The following STK33 variants were observed in gnomAD, a reference collection of about 807,000 sequenced individuals.
STK33 encodes the protein serine/threonine-protein kinase 33.
A neutral mutation model predicts 58.0 loss-of-function variants in STK33; 52 were observed. That is an observed-to-expected ratio of 0.90 (90% confidence interval 0.72 to 1.13). The LOEUF is 1.13. STK33 is among the 50% of genes most tolerant of loss of function. The probability of loss-of-function intolerance (pLI) is 0.00; values close to 1 mark genes in which losing one functional copy is unlikely to be tolerated. For missense variants in STK33, 630 were observed against 604.2 expected (o/e 1.04, Z -0.45); for synonymous variants, 215 against 200.1 (o/e 1.07, Z -0.63).
chr11:8,337,290 G>T, the STK33 span, among the ~76,000 whole-genome samples: 3 of 152,206 alleles, frequency 2.0e-5, no homozygotes, highest in Admixed American at 2.0e-4. Flanking sequence ...ATTTCTGTCT[G>T]CAGACCTTTC....
chr11:8,521,926 G>A (rs188517439), intron 1 of STK33, among the ~76,000 whole-genome samples: 141 of 152,204 alleles, frequency 9.3e-4, no homozygotes, highest in African/African-American at 3.3e-3. Flanking sequence ...ACCACAATGA[G>A]ATACCATCTC....
chr11:8,518,505 A>G, intron 1 of STK33, among the ~76,000 whole-genome samples: 1 of 152,168 alleles, frequency 6.6e-6, no homozygotes, highest in Non-Finnish European at 1.5e-5. Context: ...TTAACCTTAA[A>G]TGTAAATGGG....
intron 1 of STK33, among the ~76,000 whole-genome samples, chr11:8,492,410 A>G (rs1442120296): frequency 3.3e-5 from 5 of 152,252 alleles, no homozygotes; most frequent in Non-Finnish European, 5.9e-5. Context: ...TCCTAATTAT[A>G]TATGTACCCA....
At chr11:8,569,531 G>GT (rs1957662156) in intron 1 of STK33, among the ~76,000 whole-genome samples, 1 of 152,162 alleles carries the variant, frequency 6.6e-6, no homozygotes, top group Non-Finnish European at 1.5e-5. Flanking sequence ...AACACAGAAT[G>GT]TTTTTATGAC....
At chr11:8,428,177 G>A (rs1462415811) in intron 14 of STK33, among the ~76,000 whole-genome samples, 1 of 152,220 alleles carries the variant, frequency 6.6e-6, no homozygotes, top group Non-Finnish European at 1.5e-5. Context: ...CTAGAGTTTG[G>A]AGGCCAAGAG....
chr11:8,364,275 A>G, the STK33 span, among the ~76,000 whole-genome samples: 1 of 152,184 alleles, frequency 6.6e-6, no homozygotes, highest in Non-Finnish European at 1.5e-5. Context: ...GTTGGAGTCG[A>G]ATTTTACTTC....
chr11:8,423,304 ACT>A (rs1942224260), intron 14 of STK33, among the ~76,000 whole-genome samples: 1 of 150,442 alleles, frequency 6.6e-6, no homozygotes, highest in South Asian at 2.1e-4. Flanking sequence ...ATTTGGTTTT[ACT>A]CTGTTAAAAT....
At chr11:8,397,579 C>T (rs1297049194) in intron 15 of STK33, among the ~76,000 whole-genome samples, 1 of 152,182 alleles carries the variant, frequency 6.6e-6, no homozygotes, top group Non-Finnish European at 1.5e-5. Flanking sequence ...AGGAATACAG[C>T]TTCTCACCAG....
chr11:8,557,617 C>G (rs1401108684), intron 1 of STK33, among the ~76,000 whole-genome samples: 1 of 151,898 alleles, frequency 6.6e-6, no homozygotes, highest in Non-Finnish European at 1.5e-5. Flanking sequence ...CATTATAAGT[C>G]AGATGTAAAG....
At chr11:8,385,983 C>A in the STK33 span, among the ~76,000 whole-genome samples, 1 of 148,998 alleles carries the variant, frequency 6.7e-6, no homozygotes, top group Non-Finnish European at 1.5e-5. Flanking sequence ...ACCATGTTAG[C>A]CAGGATGGTC....
intron 14 of STK33, among the ~76,000 whole-genome samples, chr11:8,422,411 T>C (rs1239129050): frequency 6.6e-6 from 1 of 152,144 alleles, no homozygotes; most frequent in African/African-American, 2.4e-5. Flanking sequence ...AAATGGATAG[T>C]TTTCCTTTGT....
intron 6 of STK33, chr11:8,466,819 C>T (rs929407945): frequency 1.3e-5 from 2 of 152,332 alleles, no homozygotes; most frequent in Non-Finnish European, 2.9e-5. Flanking sequence ...CCTGCGCATC[C>T]AGGCGTTTCC....
chr11:8,552,448 A>G (rs911258598), intron 1 of STK33, among the ~76,000 whole-genome samples: 3 of 152,058 alleles, frequency 2.0e-5, no homozygotes, highest in African/African-American at 7.2e-5. Flanking sequence ...AACTTTTTAC[A>G]TTTTTTTAAC....
Position 8,457,484 on chromosome 11 carries a change from C to T in STK33, c.559-5G>A, listed in dbSNP as rs1444841510. ...CTCCATCACAAGGTACATTTTCTGA[C>T]ATTATATATATAAAAGAGAGAGAGA... is the stretch of plus-strand genomic sequence containing the variant. On this transcript the variant is annotated splice_region_variant and splice_polypyrimidine_tract_variant and intron_variant, in intron 8 of 15. Coordinates refer to ENST00000687296, the MANE Select transcript of STK33 (RefSeq NM_001352389.2). The T allele has an allele frequency of 1.3e-6, 2 of 1,587,058 alleles. No individual in the cohort carries two copies. The highest frequency in any genetic ancestry group is 1.1e-5 in the South Asian group (1 of 87,796).
At chr11:8,389,015 G>T (rs1848581932), downstream of STK33, among the ~76,000 whole-genome samples, 1 of 140,166 alleles carries the variant, frequency 7.1e-6, no homozygotes, top group African/African-American at 2.5e-5. Flanking sequence ...CTTGGGTCAG[G>T]AACAATGCAG....
the STK33 span, among the ~76,000 whole-genome samples, chr11:8,372,167 CAAG>C: frequency 2.0e-5 from 3 of 152,246 alleles, no homozygotes; most frequent in East Asian, 3.9e-4. Flanking sequence ...CATGCCCGGC[CAAG>C]AAGTCTTTTC....
chr11:8,457,327 A>T lies in STK33; in HGVS notation c.697+14T>A. On this transcript the variant is annotated intron_variant, in intron 9 of 15. Coordinates refer to ENST00000687296, the MANE Select transcript of STK33 (RefSeq NM_001352389.2). ...TATTCATGGGGTCAATGAGCTGGAT[A>T]ACCCTCTTCTTACCATTATTGTGAA... 6.5e-7 allele frequency: 1 copy of T among 1,537,006 alleles called. No homozygotes were observed. Among genetic ancestry groups the T allele is most frequent in the Non-Finnish European group, 8.9e-7 (1 of 1,127,794 alleles).
the STK33 span, among the ~76,000 whole-genome samples, chr11:8,351,910 C>T: frequency 1.3e-4 from 20 of 152,330 alleles, no homozygotes; most frequent in East Asian, 2.9e-3. Flanking sequence ...CCTTCAGCCC[C>T]GCTGGAAAAT....
intron 1 of STK33, among the ~76,000 whole-genome samples, chr11:8,571,896 TAAAAA>T (rs1160298732): frequency 5.1e-3 from 683 of 133,972 alleles, no homozygotes; most frequent in African/African-American, 0.017. Context: ...AAAAAAATTT[TAAAAA>T]AATTTAAATT....
Sources: gnomAD v4.1 joint callset for allele counts (sites outside exome capture counted in the v4.1 genomes callset) on GRCh38, gnomAD v4.1.1 for gene constraint, MANE v1.5 for transcripts, NCBI Gene and HGNC (gene_info 2026-07-23, HGNC 2026-07-21) for gene names.